The following ARL15 variants were observed in gnomAD, a reference collection of about 807,000 sequenced individuals.
The protein encoded by ARL15 is ARF like GTPase 15.
A neutral mutation model predicts 25.2 loss-of-function variants in ARL15; 19 were observed. That is an observed-to-expected ratio of 0.75 (90% CI 0.53 to 1.10). The LOEUF (loss-of-function observed/expected upper bound fraction) is 1.10, where lower values mean the gene tolerates loss of function less well. ARL15 is among the 50% of genes least tolerant of loss of function. The probability of loss-of-function intolerance (pLI) is 0.00; values close to 1 mark genes in which losing one functional copy is unlikely to be tolerated. For missense variants in ARL15, 220 were observed against 246.0 expected (o/e 0.89, Z 0.71); for synonymous variants, 94 against 86.8 (o/e 1.08, Z -0.46).
At chr5:53,990,590 C>T (rs1748452620) in intron 4 of ARL15, among the ~76,000 whole-genome samples, 1 of 152,158 alleles carries the variant, frequency 6.6e-6, no homozygotes, top group South Asian at 2.1e-4. Flanking sequence ...TTGACTTGAG[C>T]TGAGTGTGAT....
intron 4 of ARL15, among the ~76,000 whole-genome samples, chr5:54,010,808 G>C (rs1423542214): frequency 1.3e-5 from 2 of 152,048 alleles, no homozygotes; most frequent in African/African-American, 2.4e-5. Context: ...TCAGGAGATG[G>C]AGAACACGGT....
intron 4 of ARL15, among the ~76,000 whole-genome samples, chr5:54,032,241 A>AT (rs989965131): frequency 3.6e-4 from 54 of 148,376 alleles, no homozygotes; most frequent in South Asian, 2.3e-3. Context: ...TCTTCTTCTT[A>AT]TTTTTTTTTT....
At chr5:54,300,498 G>A (rs1758588606) in intron 1 of ARL15, among the ~76,000 whole-genome samples, 1 of 152,122 alleles carries the variant, frequency 6.6e-6, no homozygotes, top group Admixed American at 6.5e-5. Context: ...AACAATAACT[G>A]CCTAGTTGAA....
chr5:54,300,756 A>T (rs1758595030), intron 1 of ARL15, among the ~76,000 whole-genome samples: 1 of 152,088 alleles, frequency 6.6e-6, no homozygotes, highest in African/African-American at 2.4e-5. Context: ...CCATCATCTC[A>T]TTTCTGGATC....
At chr5:53,983,005 C>G (rs1748175167) in intron 4 of ARL15, among the ~76,000 whole-genome samples, 2 of 152,102 alleles carry the variant, frequency 1.3e-5, no homozygotes, top group African/African-American at 4.8e-5. Context: ...CTGATCATAT[C>G]CTTTGTCCAG....
At chr5:54,216,410 G>A (rs532366321) in intron 1 of ARL15, among the ~76,000 whole-genome samples, 1 of 152,064 alleles carries the variant, frequency 6.6e-6, no homozygotes, top group Non-Finnish European at 1.5e-5. Flanking sequence ...TTCTTGGCTG[G>A]CTTATATTGT....
rs938433574 is a variant in ARL15 at position 53,884,147 on chromosome 5, A to G, written c.*2414T>C. On this transcript the variant is annotated 3_prime_UTR_variant, in exon 5 of 5. Coordinates refer to ENST00000504924, the MANE Select transcript of ARL15 (RefSeq NM_019087.3). ...TCAACTACAGTGGATACAAAGTTTTATCATATAAATTAATTGCCATTACAA... is the reference window on the plus strand; with the variant it reads ...TCAACTACAGTGGATACAAAGTTTTGTCATATAAATTAATTGCCATTACAA... The G allele has an allele frequency of 2.0e-5, 3 of 152,220 alleles. No individual in the cohort carries two copies. The highest frequency in any genetic ancestry group is 7.2e-5 in the African/African-American group (3 of 41,454). The allele number at this position is 152,220 out of a possible 1,614,324, so 9.4% of individuals were successfully genotyped here.
chr5:54,006,984 G>A (rs139382490), intron 4 of ARL15, among the ~76,000 whole-genome samples: 2 of 152,108 alleles, frequency 1.3e-5, no homozygotes, highest in Admixed American at 1.3e-4. Flanking sequence ...CCAGCTACTC[G>A]GGAGGCTGAG....
chr5:54,283,540 T>G (rs1729150717), intron 1 of ARL15, among the ~76,000 whole-genome samples: 1 of 148,648 alleles, frequency 6.7e-6, no homozygotes, highest in African/African-American at 2.5e-5. Flanking sequence ...TGTAACATTA[T>G]TGGGTTTATT....
chr5:54,186,234 T>C (rs1198319746), intron 1 of ARL15, among the ~76,000 whole-genome samples: 1 of 152,202 alleles, frequency 6.6e-6, no homozygotes, highest in East Asian at 1.9e-4. Context: ...AAATGTTTAC[T>C]ATGGTCTAGC....
intron 2 of ARL15, among the ~76,000 whole-genome samples, chr5:54,164,391 A>G (rs1352990270): frequency 1.3e-5 from 2 of 152,052 alleles, no homozygotes; most frequent in African/African-American, 4.8e-5. Flanking sequence ...GTTAGCTGTT[A>G]GTGTTGTTGA....
chr5:54,260,947 T>C (rs1317081331), intron 1 of ARL15, among the ~76,000 whole-genome samples: 4 of 152,210 alleles, frequency 2.6e-5, no homozygotes, highest in African/African-American at 4.8e-5. Flanking sequence ...CATGCTTCTC[T>C]GAATAGGCTT....
intron 3 of ARL15, among the ~76,000 whole-genome samples, chr5:54,116,054 G>A (rs528907243): frequency 1.4e-4 from 22 of 152,276 alleles, no homozygotes; most frequent in African/African-American, 3.1e-4. Flanking sequence ...AGCTTGATGC[G>A]ATAAGGAACT....
At chr5:53,983,527 G>A (rs1375821058) in intron 4 of ARL15, among the ~76,000 whole-genome samples, 2 of 152,188 alleles carry the variant, frequency 1.3e-5, no homozygotes, top group Non-Finnish European at 2.9e-5. Context: ...CAATGCCAGA[G>A]AAGGTGCACT....
Position 54,197,333 on chromosome 5 carries a change from C to T in ARL15, c.49-25405G>A, listed in dbSNP as rs187615167. 5.5e-4 allele frequency among the ~76,000 whole-genome samples: 83 copies of T among 152,236 alleles called. No individual in the cohort carries two copies. In the East Asian group the frequency reaches 0.011, roughly 21 times the overall value. On this transcript the variant is annotated intron_variant, in intron 1 of 4. Coordinates refer to ENST00000504924, the MANE Select transcript of ARL15 (RefSeq NM_019087.3). ...ACTTTAAATGACTGCTCTTTTAACA[C>T]ACCTTTCAGGCAAATGTCTTAAGGC...
chr5:53,992,493 T>C (rs1420617255), intron 4 of ARL15, among the ~76,000 whole-genome samples: 2 of 152,252 alleles, frequency 1.3e-5, no homozygotes, highest in Admixed American at 6.5e-5. Flanking sequence ...AATACTTTTA[T>C]GGCAGTACCT....
chr5:54,163,388 T>C (rs1016559790), intron 2 of ARL15, among the ~76,000 whole-genome samples: 229 of 114,408 alleles, frequency 2.0e-3, no homozygotes, highest in African/African-American at 7.3e-3. Context: ...TTTTTTTTTT[T>C]TTTTTTGTAA....
At chr5:54,208,907 T>C (rs1424595463) in intron 1 of ARL15, among the ~76,000 whole-genome samples, 5 of 152,146 alleles carry the variant, frequency 3.3e-5, no homozygotes, top group Non-Finnish European at 7.4e-5. Context: ...ATGAACTAGA[T>C]ACAATTTTAT....
At chr5:54,008,836 T>A (rs1438651584) in intron 4 of ARL15, among the ~76,000 whole-genome samples, 1 of 152,230 alleles carries the variant, frequency 6.6e-6, no homozygotes, top group Non-Finnish European at 1.5e-5. Flanking sequence ...CTTACGTTAA[T>A]AAGATAAAAT....
Sources: gnomAD v4.1 joint callset for allele counts (sites outside exome capture counted in the v4.1 genomes callset) on GRCh38, gnomAD v4.1.1 for gene constraint, MANE v1.5 for transcripts, NCBI Gene and HGNC (gene_info 2026-07-23, HGNC 2026-07-21) for gene names.